Variants in RAD54L2 observed in about 807,000 individuals in gnomAD.
RAD54L2 encodes the protein RAD54 like 2, also known as helicase ARIP4.
A neutral mutation model predicts 138.4 loss-of-function variants in RAD54L2; 27 were observed. The ratio of observed to expected loss-of-function variants is 0.20; its 90% confidence interval spans 0.14 to 0.27. The LOEUF is 0.27. Ranked by LOEUF, RAD54L2 falls within the 10% of genes least tolerant of loss-of-function variation. RAD54L2 has a pLI of 1.00. For synonymous variants in RAD54L2, 644 were observed against 723.2 expected (o/e 0.89, Z 1.76); for missense variants, 1,396 against 1,890.2 (o/e 0.74, Z 4.85).
chr3:51,566,647 T>C (rs1210777285), intron 2 of RAD54L2, among the ~76,000 whole-genome samples: 1 of 152,004 alleles, frequency 6.6e-6, no homozygotes, highest in Non-Finnish European at 1.5e-5. Context: ...GAGATAGTTA[T>C]GTCTGTTGAC....
chr3:51,594,854 TG>T (rs1699924615), intron 3 of RAD54L2, among the ~76,000 whole-genome samples: 1 of 124,404 alleles, frequency 8.0e-6, no homozygotes, highest in Admixed American at 9.2e-5. Context: ...ATGGAATTGA[TG>T]GGCGCTTTTT....
At chr3:51,574,585 T>G (rs1017397493) in intron 2 of RAD54L2, among the ~76,000 whole-genome samples, 2 of 152,226 alleles carry the variant, frequency 1.3e-5, no homozygotes, top group African/African-American at 4.8e-5. Context: ...TTTGCATTTC[T>G]CTGATGGCCA....
Position 51,661,559 on chromosome 3 carries a change from T to C in RAD54L2, c.3410-867T>C, listed in dbSNP as rs559110485. Reference sequence around the variant, plus strand: ...GGGTATATGTGTGGCACATGAACAGTGTTAAGAACTCTTGCCAAGTTCCCC... The same window carrying C: ...GGGTATATGTGTGGCACATGAACAGCGTTAAGAACTCTTGCCAAGTTCCCC... On this transcript the variant is annotated intron_variant, in intron 22 of 22. Transcript: ENST00000684192. Among the ~76,000 whole-genome samples the C allele has an allele frequency of 1.4e-4, 22 of 152,336 alleles. No individual in the cohort carries two copies. In the South Asian group the frequency reaches 4.6e-3, roughly 32 times the overall value.
intron 2 of RAD54L2, among the ~76,000 whole-genome samples, chr3:51,571,180 C>T (rs1200978211): frequency 6.6e-6 from 1 of 152,102 alleles, no homozygotes; most frequent in African/African-American, 2.4e-5. Flanking sequence ...TCCCTTTGAT[C>T]ATCATTTTTT....
At chr3:51,629,941 C>T (rs535818391) in intron 5 of RAD54L2, among the ~76,000 whole-genome samples, 1 of 152,272 alleles carries the variant, frequency 6.6e-6, no homozygotes, top group Admixed American at 6.5e-5. Context: ...TGAGAGCACA[C>T]AATCAGAAGA....
chr3:51,546,127 C>CAGG (rs1488603264), intron 2 of RAD54L2, among the ~76,000 whole-genome samples: 1 of 150,932 alleles, frequency 6.6e-6, no homozygotes, highest in Non-Finnish European at 1.5e-5. Context: ...TTAGTAGAGA[C>CAGG]AGGGTTTCGC....
chr3:51,660,282 T>A (rs926630385), intron 22 of RAD54L2, among the ~76,000 whole-genome samples, 164 bp downstream of exon 22: 1 of 152,090 alleles, frequency 6.6e-6, no homozygotes, highest in Non-Finnish European at 1.5e-5. Flanking sequence ...GTGTGGTTTT[T>A]TTTTTTGTTT....
At chr3:51,603,142 CA>C (rs56410629) in intron 3 of RAD54L2, among the ~76,000 whole-genome samples, 67,882 of 91,856 alleles carry the variant, frequency 0.74, 23,539 homozygotes, top group Middle Eastern at 0.8. Context: ...ATTACTACTA[CA>C]AAAAAAAAAA....
At chr3:51,620,607 C>A (rs1350475992) in intron 3 of RAD54L2, among the ~76,000 whole-genome samples, 3 of 151,832 alleles carry the variant, frequency 2.0e-5, no homozygotes, top group Non-Finnish European at 2.9e-5. Flanking sequence ...AGGAATTTTT[C>A]TTTCAAAGCT....
intron 12 of RAD54L2, 29 bp from the exon 13 acceptor site, chr3:51,639,390 T>G: frequency 6.2e-7 from 1 of 1,610,800 alleles, no homozygotes; most frequent in Non-Finnish European, 8.5e-7. Flanking sequence ...TTTTGTCCTG[T>G]GTCTCCTCTC....
At position 51,563,836 on chromosome 3, in the gene RAD54L2, G is replaced by T. The variant is rs114773251; in HGVS notation, c.-55+22186G>T. 4.3e-3 allele frequency among the ~76,000 whole-genome samples: 652 copies of T among 152,286 alleles called. 4 individuals carry two copies. The highest frequency in any genetic ancestry group is 0.015 in the African/African-American group (622 of 41,570). On this transcript the variant is annotated intron_variant, in intron 2 of 22. Transcript: ENST00000684192. Reference sequence around the variant, plus strand: ...TGGGAGGATTAGTTATTAGGTGGTAGACTATCAGCTTGTTCTCCACAGATC... The same window carrying T: ...TGGGAGGATTAGTTATTAGGTGGTATACTATCAGCTTGTTCTCCACAGATC...
chr3:51,643,729 G>A (rs924906816), intron 15 of RAD54L2, 146 bp from the exon 16 acceptor site: 16 of 678,074 alleles, frequency 2.4e-5, no homozygotes, highest in African/African-American at 1.1e-4. Flanking sequence ...CTTACTTACT[G>A]TAGACCCATG....
rs573628099 is a variant in RAD54L2 at position 51,649,592 on chromosome 3, G to A, written c.3026+3111G>A. ...AAGGGAAGCCCATCAGACTAACAGT[G>A]GATCTCTTGGCAGAAACTCTACAAG... On this transcript the variant is annotated intron_variant, in intron 19 of 22. Coordinates refer to ENST00000684192, the MANE Select transcript of RAD54L2 (RefSeq NM_015106.4). 5.1e-3 allele frequency among the ~76,000 whole-genome samples: 783 copies of A among 152,308 alleles called. 21 individuals are homozygous for A. Among genetic ancestry groups the A allele is most frequent in the Admixed American group, 0.036 (547 of 15,282 alleles).
intron 2 of RAD54L2, among the ~76,000 whole-genome samples, chr3:51,542,113 C>T (rs1449425152): frequency 1.3e-5 from 2 of 152,136 alleles, no homozygotes; most frequent in Admixed American, 6.6e-5. Context: ...CCCACTTTTT[C>T]TTGCTCAATT....
In RAD54L2 at chr3:51,635,590, C is replaced by T; in HGVS notation, c.1143-3C>T. 1.9e-6 allele frequency: 3 copies of T among 1,594,006 alleles called. No homozygotes were observed. Among genetic ancestry groups the T allele is most frequent in the Non-Finnish European group, 2.6e-6 (3 of 1,170,332 alleles). ...CACACAATTTTCTCTGTTCATCTTG[C>T]AGGACGATGGCATCTCGTGCTAAAG... On this transcript the variant is annotated splice_region_variant and splice_polypyrimidine_tract_variant and intron_variant, in intron 9 of 22. Transcript: ENST00000684192.
chr3:51,619,346 C>T (rs966144076), intron 3 of RAD54L2, among the ~76,000 whole-genome samples: 1 of 152,218 alleles, frequency 6.6e-6, no homozygotes, highest in African/African-American at 2.4e-5. Flanking sequence ...CGTGAGCCAC[C>T]ACGCCTGGTC....
At chr3:51,567,125 C>T (rs955762699) in intron 2 of RAD54L2, among the ~76,000 whole-genome samples, 5 of 152,162 alleles carry the variant, frequency 3.3e-5, no homozygotes, top group African/African-American at 1.2e-4. Flanking sequence ...AGATTGGCAA[C>T]CTCTTCTGCC....
rs1363897610 is a variant in RAD54L2 at position 51,646,204 on chromosome 3, G to A, written c.2830-81G>A. Reference sequence around the variant, plus strand: ...TCTTCGCTAGTGCTGGAGACAGCCAGCTCTTTTCTTGGTCCTAAAGTAAGG... The same window carrying A: ...TCTTCGCTAGTGCTGGAGACAGCCAACTCTTTTCTTGGTCCTAAAGTAAGG... On this transcript the variant is annotated intron_variant, in intron 18 of 22. Coordinates refer to ENST00000684192, the MANE Select transcript of RAD54L2 (RefSeq NM_015106.4). The A allele has an allele frequency of 3.8e-6, 5 of 1,305,308 alleles. No homozygotes were observed. In the South Asian group the frequency reaches 5.3e-5, roughly 14 times the overall value. The allele number at this position is 1,305,308 out of a possible 1,614,324, so 80.9% of individuals were successfully genotyped here. A position where few individuals can be genotyped will look rare whatever the true frequency, so the allele number is the denominator to read the frequency against.
At chr3:51,620,661 C>T (rs1213013235) in intron 3 of RAD54L2, among the ~76,000 whole-genome samples, 1 of 152,170 alleles carries the variant, frequency 6.6e-6, no homozygotes, top group Middle Eastern at 3.4e-3. Flanking sequence ...GTTCATAATT[C>T]ATTCCCAAGA....
Sources: gnomAD v4.1 joint callset for allele counts (sites outside exome capture counted in the v4.1 genomes callset) on GRCh38, gnomAD v4.1.1 for gene constraint, MANE v1.5 for transcripts, NCBI Gene and HGNC (gene_info 2026-07-23, HGNC 2026-07-21) for gene names.